The following RBFOX1 variants were observed in gnomAD, a reference collection of about 807,000 sequenced individuals.
RBFOX1 encodes RNA binding protein fox-1 homolog 1.
A neutral mutation model predicts 57.7 loss-of-function variants in RBFOX1; 8 were observed. That is an observed-to-expected ratio of 0.14 (90% confidence interval 0.08 to 0.25). The LOEUF is 0.25. RBFOX1 is among the 10% of genes least tolerant of loss of function. The probability of loss-of-function intolerance (pLI) is 1.00; values close to 1 mark genes in which losing one functional copy is unlikely to be tolerated. For synonymous variants in RBFOX1, 326 were observed against 222.4 expected (o/e 1.47, Z -4.15); for missense variants, 611 against 548.5 (o/e 1.11, Z -1.14).
At chr16:5,851,128 A>T (rs1448814997) in intron 3 of RBFOX1, among the ~76,000 whole-genome samples, 1 of 152,130 alleles carries the variant, frequency 6.6e-6, no homozygotes, top group Non-Finnish European at 1.5e-5. Context: ...TTACCCTCAC[A>T]ATCAGCCCAA....
At chr16:5,424,225 C>T (rs2067443376) in intron 1 of RBFOX1, among the ~76,000 whole-genome samples, 1 of 152,202 alleles carries the variant, frequency 6.6e-6, no homozygotes, top group African/African-American at 2.4e-5. Flanking sequence ...GAACAGTGAA[C>T]ATCTGCTGAA....
intron 3 of RBFOX1, among the ~76,000 whole-genome samples, chr16:5,706,497 G>T (rs66549605): frequency 6.6e-6 from 1 of 151,972 alleles, no homozygotes; most frequent in African/African-American, 2.4e-5. Context: ...TTGAAAACAC[G>T]TCCTGGGTGG....
chr16:6,777,386 C>T (rs375348011), intron 3 of RBFOX1, among the ~76,000 whole-genome samples: 1 of 151,984 alleles, frequency 6.6e-6, no homozygotes, highest in African/African-American at 2.4e-5. Context: ...GAAAGAGAAC[C>T]GAGGCAGGCG....
At chr16:7,661,988 A>G (rs2145481028) in intron 12 of RBFOX1, among the ~76,000 whole-genome samples, 1 of 151,800 alleles carries the variant, frequency 6.6e-6, no homozygotes, top group African/African-American at 2.4e-5. Context: ...CTTGACATGG[A>G]GGCACAAAAC....
intron 1 of RBFOX1, among the ~76,000 whole-genome samples, chr16:6,229,646 A>C (rs2152900059): frequency 6.6e-6 from 1 of 152,322 alleles, no homozygotes; most frequent in South Asian, 2.1e-4. Context: ...TATGCATATA[A>C]ATTTAATGCA....
intron 3 of RBFOX1, among the ~76,000 whole-genome samples, chr16:6,769,516 T>A (rs1269879516): frequency 2.0e-5 from 3 of 152,236 alleles, no homozygotes; most frequent in Non-Finnish European, 4.4e-5. Context: ...TAATGGTTTA[T>A]CACCCGCCTT....
chr16:6,574,830 C>G (rs1250644368), intron 2 of RBFOX1, among the ~76,000 whole-genome samples: 3 of 149,812 alleles, frequency 2.0e-5, no homozygotes, highest in Non-Finnish European at 4.5e-5. Flanking sequence ...CGAGGTCAGG[C>G]GATCCAGACC....
At chr16:6,764,533 AC>A (rs1375662332) in intron 3 of RBFOX1, among the ~76,000 whole-genome samples, 1 of 152,214 alleles carries the variant, frequency 6.6e-6, no homozygotes, top group Non-Finnish European at 1.5e-5. Context: ...TGTTGGAGCA[AC>A]AACAGGAAAT....
chr16:7,251,013 GA>G (rs33945783), intron 4 of RBFOX1, among the ~76,000 whole-genome samples: 101,979 of 151,992 alleles, frequency 0.67, 35,818 homozygotes, highest in African/African-American at 0.88. Flanking sequence ...TTTTTGTAGT[GA>G]AAACACTTAA....
chr16:6,344,865 A>G (rs1335575886), intron 2 of RBFOX1, among the ~76,000 whole-genome samples: 2 of 149,644 alleles, frequency 1.3e-5, no homozygotes, highest in African/African-American at 5.0e-5. Flanking sequence ...TAATTTTTCT[A>G]TTTTTAGTAG....
chr16:6,541,675 A>T (rs1224131071), intron 2 of RBFOX1, among the ~76,000 whole-genome samples: 1 of 152,220 alleles, frequency 6.6e-6, no homozygotes, highest in Admixed American at 6.5e-5. Flanking sequence ...AAGAGCAAGA[A>T]TATCAATTCT....
intron 1 of RBFOX1, among the ~76,000 whole-genome samples, chr16:5,422,864 G>A (rs527406823): frequency 5.5e-4 from 72 of 130,940 alleles, no homozygotes; most frequent in Non-Finnish European, 1.1e-3. Context: ...GAAAGGAGGA[G>A]CAGGGAAGAT....
At position 6,135,530 on chromosome 16, in the gene RBFOX1, G is replaced by A. The variant is rs142703960; in HGVS notation, c.-127+115538G>A. On this transcript the variant is annotated intron_variant, in intron 1 of 15. Transcript: ENST00000550418. ...GATCACAGATTCAACAGGGTCAGGT[G>A]TGAATATGGGGGGTATTCATTGGAT... Among the ~76,000 whole-genome samples the A allele has an allele frequency of 2.6e-3, 400 of 152,220 alleles. 7 individuals carry two copies. Among genetic ancestry groups the A allele is most frequent in the Non-Finnish European group, 4.3e-3 (292 of 68,026 alleles).
At chr16:6,809,233 A>G (rs959648407) in intron 3 of RBFOX1, among the ~76,000 whole-genome samples, 16 of 152,080 alleles carry the variant, frequency 1.1e-4, no homozygotes, top group African/African-American at 3.6e-4. Context: ...TCTGAATCTC[A>G]TGTGATTCTG....
intron 4 of RBFOX1, among the ~76,000 whole-genome samples, chr16:7,154,141 C>G (rs762451225): frequency 1.3e-5 from 2 of 152,162 alleles, no homozygotes; most frequent in Non-Finnish European, 2.9e-5. Context: ...CATCATAGTT[C>G]ATCATCCAAA....
At chr16:6,005,187 T>A (rs1178656034) in intron 4 of RBFOX1, among the ~76,000 whole-genome samples, 1 of 152,222 alleles carries the variant, frequency 6.6e-6, no homozygotes, top group Non-Finnish European at 1.5e-5. Context: ...TGCGGAAGTT[T>A]ATATTTCGTT....
At chr16:7,644,854 G>A (rs188638466) in intron 11 of RBFOX1, among the ~76,000 whole-genome samples, 1 of 152,276 alleles carries the variant, frequency 6.6e-6, no homozygotes, top group African/African-American at 2.4e-5. Context: ...AGATAAAGAG[G>A]TAAAGCCTTT....
chr16:6,790,748 C>T (rs186650065), intron 3 of RBFOX1, among the ~76,000 whole-genome samples: 1 of 152,060 alleles, frequency 6.6e-6, no homozygotes, highest in Non-Finnish European at 1.5e-5. Context: ...TGTCTCTAGA[C>T]CCTCCTTATT....
chr16:7,561,463 T>C (rs2090351153), intron 5 of RBFOX1, among the ~76,000 whole-genome samples: 1 of 152,252 alleles, frequency 6.6e-6, no homozygotes, highest in Non-Finnish European at 1.5e-5. Flanking sequence ...CACCTGCCAA[T>C]GCAGGAGAAA....
Sources: allele counts gnomAD v4.1 joint callset (sites outside exome capture counted in the v4.1 genomes callset), GRCh38; gene constraint gnomAD v4.1.1; transcripts MANE v1.5; gene names NCBI Gene and HGNC (gene_info 2026-07-23, HGNC 2026-07-21).